Variants in ZNF185 observed in about 807,000 individuals in gnomAD.
ZNF185 encodes the protein zinc finger protein 185.
In ZNF185, 56 loss-of-function variants were observed where a neutral mutation model predicts 58.6. The observed-to-expected ratio is 0.95, with a 90% CI of 0.77 to 1.19. The LOEUF is 1.19. Among genes scored for constraint, ZNF185 ranks in the 50% most tolerant of loss-of-function variants. The pLI is 0.00. For synonymous variants in ZNF185, 230 were observed against 215.9 expected, an observed-to-expected ratio of 1.07 and a Z score of -0.57; for missense variants, 627 against 573.5, an observed-to-expected ratio of 1.09 and a Z score of -0.95.
exon 13 of ZNF185, chrX:152,931,674 C>G (rs782287185): frequency 8.3e-7 from 1 of 1,206,129 alleles, no homozygotes; most frequent in African/African-American, 1.7e-5. Flanking sequence ...CTCCATAGGT[C>G]TTCCCCAGGC....
At chrX:152,924,264 G>C (rs1940386191) in intron 11 of ZNF185, among the ~76,000 whole-genome samples, 1 of 111,071 alleles carries the variant, frequency 9.0e-6, no homozygotes, top group African/African-American at 3.3e-5. Context: ...ACAGTCACAG[G>C]CCACCATACC....
intron 17 of ZNF185, among the ~76,000 whole-genome samples, chrX:152,962,128 A>G: frequency 9.0e-6 from 1 of 111,216 alleles, no homozygotes; most frequent in Non-Finnish European, 1.9e-5. Flanking sequence ...CAAAGAAGAT[A>G]GGGAGGAGGG....
At chrX:152,898,146 C>A in the ZNF185 span, among the ~76,000 whole-genome samples, 2 of 107,768 alleles carry the variant, frequency 1.9e-5, no homozygotes, top group Non-Finnish European at 3.9e-5. Flanking sequence ...CCCGGCCCGG[C>A]CCGGCCCGGC....
At chrX:152,918,300 G>A in intron 6 of ZNF185, 146 bp downstream of exon 7, 1 of 670,751 alleles carries the variant, frequency 1.5e-6, no homozygotes, top group East Asian at 3.5e-5. Flanking sequence ...AGTTGCAGCT[G>A]TGGCCTGGAG....
At chrX:152,922,134 C>T (rs782805326) in intron 9 of ZNF185, 39 bp from the exon 11 acceptor site, 1 of 1,162,249 alleles carries the variant, frequency 8.6e-7, no homozygotes, top group South Asian at 1.9e-5. Context: ...CTAGGGCAGC[C>T]AAGAAGACCA....
At chrX:152,912,075 A>G (rs1266505998), upstream of ZNF185, among the ~76,000 whole-genome samples, 1 of 106,506 alleles carries the variant, frequency 9.4e-6, no homozygotes, top group Non-Finnish European at 1.9e-5. Context: ...CCTTGTCCCA[A>G]AGAACTGCCT....
upstream of ZNF185, among the ~76,000 whole-genome samples, chrX:152,909,462 A>AGCC (rs1291152799): frequency 9.0e-6 from 1 of 111,459 alleles, no homozygotes; most frequent in Non-Finnish European, 1.9e-5. Flanking sequence ...TGGGCTGGGG[A>AGCC]GCCAGGGCGG....
At chrX:152,965,560 C>G (rs1556914046) in intron 19 of ZNF185, 33 bp downstream of exon 21, 3 of 1,092,342 alleles carry the variant, frequency 2.7e-6, no homozygotes, top group Non-Finnish European at 3.7e-6. Flanking sequence ...TCCATGTCGG[C>G]CTTCTCCTGC....
chrX:152,910,278 C>G (rs782156089), upstream of ZNF185, among the ~76,000 whole-genome samples: 2 of 112,157 alleles, frequency 1.8e-5, no homozygotes, highest in African/African-American at 6.5e-5. Flanking sequence ...TTTGGGTAAA[C>G]CACCGTCGGG....
intron 14 of ZNF185, chrX:152,936,442 C>G: frequency 1.7e-6 from 2 of 1,166,661 alleles, no homozygotes; most frequent in Non-Finnish European, 2.3e-6. Context: ...CTAGCTTTGC[C>G]TCTTTCCTGG....
At chrX:152,929,676 C>T (rs1175865434) in intron 12 of ZNF185, among the ~76,000 whole-genome samples, 7 of 112,636 alleles carry the variant, frequency 6.2e-5, no homozygotes, top group South Asian at 3.7e-4. Flanking sequence ...GCCTCCACTG[C>T]TACTCACCCA....
chrX:152,907,518 C>T, the ZNF185 span, among the ~76,000 whole-genome samples: 1 of 113,233 alleles, frequency 8.8e-6, no homozygotes, highest in Non-Finnish European at 1.9e-5. Context: ...CCCGCCCAGC[C>T]CTGCCAGGGA....
the ZNF185 span, among the ~76,000 whole-genome samples, chrX:152,907,624 G>A: frequency 8.8e-6 from 1 of 113,293 alleles, no homozygotes; most frequent in Non-Finnish European, 1.9e-5. Flanking sequence ...TCTGCCTGGT[G>A]TCTGAGGTGG....
intron 14 of ZNF185, among the ~76,000 whole-genome samples, chrX:152,935,404 T>C (rs1172959643): frequency 9.2e-6 from 1 of 109,177 alleles, no homozygotes; most frequent in African/African-American, 3.3e-5. Context: ...CCCGGCTAAT[T>C]TTTTGTATTT....
chrX:152,939,359 C>T (rs1418423186), intron 15 of ZNF185, among the ~76,000 whole-genome samples: 1 of 111,899 alleles, frequency 8.9e-6, no homozygotes, highest in Non-Finnish European at 1.9e-5. Context: ...TTACAGCCTT[C>T]CCAGCAACTT....
intron 16 of ZNF185, among the ~76,000 whole-genome samples, chrX:152,946,429 C>T (rs1022551017): frequency 3.6e-5 from 4 of 112,081 alleles, no homozygotes; most frequent in African/African-American, 9.8e-5. Flanking sequence ...GTTTTACCTT[C>T]TAAGAATATC....
exon 17 of ZNF185, chrX:152,959,878 G>C (rs1556908842): frequency 8.3e-7 from 1 of 1,210,523 alleles, no homozygotes; most frequent in South Asian, 1.8e-5. Context: ...TTCGTCAGAC[G>C]AGAGAGCTGC....
At chrX:152,948,499 C>T (rs782254229) in intron 16 of ZNF185, among the ~76,000 whole-genome samples, 1 of 111,701 alleles carries the variant, frequency 9.0e-6, no homozygotes, top group East Asian at 2.8e-4. Context: ...TTGCCCTGGT[C>T]GACAGCATTT....
intron 5 of ZNF185, 123 bp downstream of exon 6, chrX:152,917,485 C>A: frequency 1.1e-6 from 1 of 876,904 alleles, no homozygotes; most frequent in Non-Finnish European, 1.6e-6. Flanking sequence ...CAGCTTTCAT[C>A]CTGGGTAGGG....
Sources: gnomAD v4.1 joint callset for allele counts (sites outside exome capture counted in the v4.1 genomes callset) on GRCh38, gnomAD v4.1.1 for gene constraint, MANE v1.5 for transcripts, NCBI Gene and HGNC (gene_info 2026-07-23, HGNC 2026-07-21) for gene names.